Variants in HTRA3 observed in about 807,000 individuals in gnomAD.
The protein encoded by HTRA3 is HtrA serine peptidase 3.
Under a neutral mutation model 43.2 loss-of-function variants are expected in HTRA3, and 41 were observed. The observed-to-expected ratio is 0.95, with a 90% CI of 0.74 to 1.23. The LOEUF (loss-of-function observed/expected upper bound fraction) is 1.23. Ranked by LOEUF, HTRA3 falls within the 50% of genes most tolerant of loss-of-function variation. HTRA3 has a pLI of 0.00. For missense variants in HTRA3, 628 were observed against 647.1 expected (o/e 0.97, Z 0.32); for synonymous variants, 295 against 287.9 (o/e 1.02, Z -0.25).
Position 8,303,641 on chromosome 4 carries a change from A to G in HTRA3, c.1101-543A>G, listed in dbSNP as rs1290233805. On this transcript the variant is annotated intron_variant, in intron 7 of 8. Coordinates refer to ENST00000307358, the MANE Select transcript of HTRA3 (RefSeq NM_053044.5). ...GGGTGACATTTGAAAAAAATTATCA[A>G]TGTCCAGTATGCCAATTTATCTTTT... is the stretch of plus-strand genomic sequence containing the variant. 3.9e-5 allele frequency among the ~76,000 whole-genome samples: 6 copies of G among 152,256 alleles called. No individual in the cohort carries two copies. The East Asian group carries it at 1.2e-3, about 29-fold the overall frequency.
At chr4:8,298,246 G>A (rs1713527435) in intron 6 of HTRA3, among the ~76,000 whole-genome samples, 1 of 152,208 alleles carries the variant, frequency 6.6e-6, no homozygotes, top group Admixed American at 6.5e-5. Context: ...GGACCCATGG[G>A]TCAGGCCTCC....
rs780216792 is a variant in HTRA3, at chr4:8,286,538, C to T, written c.486-23C>T. 20 of 1,608,988 alleles carry T rather than the reference C, an allele frequency of 1.2e-5. No homozygotes were observed. The highest frequency in any genetic ancestry group is 1.1e-4 in the East Asian group (5 of 44,848). On this transcript the variant is annotated intron_variant, in intron 2 of 8. Transcript: ENST00000307358. The surrounding 1 kb of genome is among the most constrained non-coding windows in gnomAD (Gnocchi z 4.9). ...GCGTCCTAGCCCCACCCTAAATGCC[C>T]GCCTGTGTCTCCCTGGCTGCAGACA...
rs150361579 is a variant in HTRA3, at chr4:8,285,734, C to G, written c.486-827C>G. 2.6e-3 allele frequency among the ~76,000 whole-genome samples: 400 copies of G among 152,348 alleles called. 2 individuals are homozygous for G. The highest frequency in any genetic ancestry group is 8.9e-3 in the African/African-American group (369 of 41,588). Reference sequence around the variant, plus strand: ...GGGGATTGTTGCCCATCGGCAGACACCAATGCAAACCCAGGCCAGCTCCAC... The same window carrying G: ...GGGGATTGTTGCCCATCGGCAGACAGCAATGCAAACCCAGGCCAGCTCCAC... On this transcript the variant is annotated intron_variant, in intron 2 of 8. Transcript: ENST00000307358.
In HTRA3 at chr4:8,279,568, A is replaced by T. The variant is rs955656094; in HGVS notation, c.386-2869A>T. Among the ~76,000 whole-genome samples the T allele has an allele frequency of 6.6e-6, 1 of 152,086 alleles. No individual in the cohort carries two copies. Among genetic ancestry groups the T allele is most frequent in the African/African-American group, 2.4e-5 (1 of 41,400 alleles). On this transcript the variant is annotated intron_variant, in intron 1 of 8. Transcript: ENST00000307358. This position sits in a 1 kb window ranked among gnomAD's most constrained non-coding sequence, Gnocchi z 7.4. ...AGGGGGTGGACACGTTGGGGTCCAG[A>T]GAGCTTTCCGGCCCTGGGTGTTGGA... is the stretch of plus-strand genomic sequence containing the variant.
In HTRA3 at chr4:8,297,169, GGC is replaced by G. The variant is rs1213486297; in HGVS notation, c.1051+2969_1051+2970del. Among the ~76,000 whole-genome samples the G allele has an allele frequency of 7.2e-5, 11 of 152,080 alleles. No individual in the cohort carries two copies. Among genetic ancestry groups the G allele is most frequent in the African/African-American group, 2.4e-4 (10 of 41,438 alleles). On this transcript the variant is annotated intron_variant, in intron 6 of 8. Transcript: ENST00000307358. This position sits in a 1 kb window ranked among gnomAD's most constrained non-coding sequence, Gnocchi z 5.8. ...CCCAATAGTGGAAAAGTCTGGGGAA[GGC>G]AGCCCAGCCACCTGGCAGGAGCAGG... is the stretch of plus-strand genomic sequence containing the variant.
At chr4:8,283,007 C>T (rs113851971) in intron 2 of HTRA3, among the ~76,000 whole-genome samples, 46 of 152,188 alleles carry the variant, frequency 3.0e-4, no homozygotes, top group African/African-American at 9.9e-4. Context: ...GTAGGCACCC[C>T]GGGAGCTGGG....
At chr4:8,300,368 T>G (rs1224271029) in intron 6 of HTRA3, among the ~76,000 whole-genome samples, 4 of 151,742 alleles carry the variant, frequency 2.6e-5, no homozygotes, top group Admixed American at 2.0e-4. Context: ...AGGCTTGAAG[T>G]TTTTTTTTGT....
chr4:8,288,353 A>G (rs891462376), intron 3 of HTRA3, among the ~76,000 whole-genome samples: 122 of 151,982 alleles, frequency 8.0e-4, no homozygotes, highest in African/African-American at 2.9e-3. Flanking sequence ...GGCTCACCAC[A>G]ACCTCCGCCT....
chr4:8,272,585 G>A (rs999324620), intron 1 of HTRA3, among the ~76,000 whole-genome samples: 5 of 152,248 alleles, frequency 3.3e-5, no homozygotes, highest in African/African-American at 1.2e-4. Context: ...GCAACCCCCA[G>A]ACCACGTTGT....
intron 1 of HTRA3, among the ~76,000 whole-genome samples, chr4:8,282,234 C>T (rs529771862): frequency 4.6e-5 from 7 of 152,140 alleles, no homozygotes; most frequent in Non-Finnish European, 8.8e-5. Flanking sequence ...TCGGGGTGAG[C>T]GAGCCCCTTC....
chr4:8,300,601 A>C (rs1279004051), intron 6 of HTRA3, among the ~76,000 whole-genome samples: 1 of 152,184 alleles, frequency 6.6e-6, no homozygotes, highest in Non-Finnish European at 1.5e-5. Context: ...TGTGATGTTG[A>C]TAACTGTGTC....
chr4:8,295,663 C>T lies in HTRA3; in HGVS notation c.1051+1462C>T. 1 of 1,398,392 alleles carries T rather than the reference C, an allele frequency of 7.2e-7. No individual in the cohort carries two copies. The highest frequency in any genetic ancestry group is 1.6e-5 in the South Asian group (1 of 60,954). 86.6% of individuals were successfully genotyped at this position (1,398,392 alleles called of 1,614,324 possible). Reference sequence around the variant, plus strand: ...CGCCCAGGCCTGACTCAGCAACTCACACTTCCACATTGCTTTGCTGTCTCC... The same window carrying T: ...CGCCCAGGCCTGACTCAGCAACTCATACTTCCACATTGCTTTGCTGTCTCC... On this transcript the variant is annotated intron_variant, in intron 6 of 8. Transcript: ENST00000307358. The surrounding 1 kb of genome is among the most constrained non-coding windows in gnomAD (Gnocchi z 6.9).
At chr4:8,273,227 G>A (rs997550842) in intron 1 of HTRA3, among the ~76,000 whole-genome samples, 1 of 152,222 alleles carries the variant, frequency 6.6e-6, no homozygotes, top group Non-Finnish European at 1.5e-5. Context: ...CCTGAGGCTG[G>A]GAGTCGGGTC....
chr4:8,275,027 C>T (rs962664649), intron 1 of HTRA3, among the ~76,000 whole-genome samples: 1 of 152,192 alleles, frequency 6.6e-6, no homozygotes, highest in African/African-American at 2.4e-5. Context: ...GACGCCTCCC[C>T]TCCTGCCCCG....
chr4:8,273,468 C>G (rs1185230384), intron 1 of HTRA3, among the ~76,000 whole-genome samples: 1 of 152,102 alleles, frequency 6.6e-6, no homozygotes, highest in African/African-American at 2.4e-5. Context: ...TCAGCTCCTC[C>G]GCCTTCTCCC....
In HTRA3 at chr4:8,295,787, A is replaced by G; in HGVS notation, c.1051+1586A>G. The G allele has an allele frequency of 7.9e-7, 1 of 1,268,046 alleles. No individual in the cohort carries two copies. Among genetic ancestry groups the G allele is most frequent in the Non-Finnish European group, 1.0e-6 (1 of 1,004,476 alleles). The allele number at this position is 1,268,046 out of a possible 1,614,324, so 78.5% of individuals were successfully genotyped here. Reference sequence around the variant, plus strand: ...CAGCCAAGCACATGGACCCCAGTGCAGCCAAGGCTGGTGCCATGAGGGCTG... The same window carrying G: ...CAGCCAAGCACATGGACCCCAGTGCGGCCAAGGCTGGTGCCATGAGGGCTG... On this transcript the variant is annotated intron_variant, in intron 6 of 8. Coordinates refer to ENST00000307358, the MANE Select transcript of HTRA3 (RefSeq NM_053044.5). The surrounding 1 kb of genome is among the most constrained non-coding windows in gnomAD (Gnocchi z 6.9).
At chr4:8,278,812 T>C (rs1712630553) in intron 1 of HTRA3, among the ~76,000 whole-genome samples, 1 of 152,234 alleles carries the variant, frequency 6.6e-6, no homozygotes, top group Non-Finnish European at 1.5e-5. Flanking sequence ...CTCAGTCTCC[T>C]GGGCCATAAA....
chr4:8,287,902 G>A (rs1713060975), intron 3 of HTRA3, among the ~76,000 whole-genome samples: 1 of 152,192 alleles, frequency 6.6e-6, no homozygotes, highest in Non-Finnish European at 1.5e-5. Context: ...CCATGCTTAT[G>A]TGACCCTGGG....
intron 8 of HTRA3, among the ~76,000 whole-genome samples, chr4:8,304,646 T>TTTTTTG (rs1713772437): frequency 3.5e-5 from 1 of 28,816 alleles, no homozygotes; most frequent in African/African-American, 9.2e-5. Flanking sequence ...GCCTATTGTT[T>TTTTTTG]TTTTTTTTTT....
Sources: gnomAD v4.1 joint callset for allele counts (sites outside exome capture counted in the v4.1 genomes callset) on GRCh38, gnomAD v4.1.1 for gene constraint, Gnocchi (gnomAD v3.1) non-coding constraint, MANE v1.5 for transcripts, NCBI Gene and HGNC (gene_info 2026-07-23, HGNC 2026-07-21) for gene names.